The following RPS6KC1 variants were observed in gnomAD, a reference collection of about 807,000 sequenced individuals.
RPS6KC1 encodes ribosomal protein S6 kinase C1, also known as inactive ribosomal protein S6 kinase delta-1.
RPS6KC1 carries 54 observed loss-of-function variants against 103.8 expected under a neutral mutation model. That is an observed-to-expected ratio of 0.52 (90% CI 0.42 to 0.65). The LOEUF is 0.65. RPS6KC1 is among the 30% of genes least tolerant of loss of function. The pLI, the probability that RPS6KC1 is intolerant of heterozygous loss-of-function variation, is 0.00. For synonymous variants in RPS6KC1, 439 were observed against 438.7 expected, an observed-to-expected ratio of 1.00 and a Z score of -0.01; for missense variants, 1,151 against 1,253.8, an observed-to-expected ratio of 0.92 and a Z score of 1.24.
chr1:213,063,361 G>T (rs1190217657), intron 1 of RPS6KC1, among the ~76,000 whole-genome samples: 1 of 152,206 alleles, frequency 6.6e-6, no homozygotes, highest in African/African-American at 2.4e-5. Flanking sequence ...GAGTCATGGA[G>T]TTGTGAGATC....
chr1:213,716,354 GC>G, the RPS6KC1 span, among the ~76,000 whole-genome samples: 1 of 152,038 alleles, frequency 6.6e-6, no homozygotes, highest in South Asian at 2.1e-4. Context: ...CTTTTCTGAT[GC>G]CCCTAAAGAC....
chr1:213,261,665 TA>T lies in RPS6KC1; in HGVS notation c.2994+28del, dbSNP rs773861730. ...GGTAAGCAGTGGCCTGGACGTTTAATAAATTTACTCAGATGCTACCTTGATT... is the reference window on the plus strand; with the variant it reads ...GGTAAGCAGTGGCCTGGACGTTTAATAATTTACTCAGATGCTACCTTGATT... On this transcript the variant is annotated intron_variant, in intron 13 of 14. Coordinates refer to ENST00000366960, the MANE Select transcript of RPS6KC1 (RefSeq NM_012424.6). The T allele has an allele frequency of 1.9e-6, 3 of 1,587,358 alleles. No individual in the cohort carries two copies. The South Asian group carries it at 3.3e-5, about 18-fold the overall frequency.
chr1:213,087,642 C>T (rs2080533243), intron 3 of RPS6KC1, among the ~76,000 whole-genome samples: 2 of 152,150 alleles, frequency 1.3e-5, no homozygotes, highest in Non-Finnish European at 2.9e-5. Context: ...TTTTCTTGCT[C>T]TTTTTGCATT....
the RPS6KC1 span, among the ~76,000 whole-genome samples, chr1:213,684,381 G>A: frequency 6.6e-6 from 1 of 152,116 alleles, no homozygotes; most frequent in African/African-American, 2.4e-5. Flanking sequence ...TACAGAAAGA[G>A]CAGGAATTAG....
the RPS6KC1 span, among the ~76,000 whole-genome samples, chr1:213,732,315 A>G: frequency 2.6e-5 from 4 of 151,720 alleles, no homozygotes; most frequent in Middle Eastern, 6.8e-3. Flanking sequence ...AAAAAGTGTC[A>G]CAAAGATTTA....
At chr1:213,635,775 C>G in the RPS6KC1 span, among the ~76,000 whole-genome samples, 2 of 152,146 alleles carry the variant, frequency 1.3e-5, no homozygotes, top group Non-Finnish European at 2.9e-5. Flanking sequence ...CCAGGGCAAT[C>G]AGGCAAGAGA....
At chr1:213,588,827 G>A in the RPS6KC1 span, among the ~76,000 whole-genome samples, 1 of 152,196 alleles carries the variant, frequency 6.6e-6, no homozygotes, top group Non-Finnish European at 1.5e-5. Flanking sequence ...GTAGGGGTCA[G>A]CATGGCAAGT....
the RPS6KC1 span, among the ~76,000 whole-genome samples, chr1:213,446,933 C>T: frequency 5.3e-5 from 8 of 152,176 alleles, no homozygotes; most frequent in Admixed American, 2.0e-4. Flanking sequence ...TAGTAGTAGG[C>T]TCCTGGAGGG....
At chr1:213,586,326 G>A in the RPS6KC1 span, among the ~76,000 whole-genome samples, 10 of 152,264 alleles carry the variant, frequency 6.6e-5, no homozygotes, top group African/African-American at 1.9e-4. Flanking sequence ...CCCCTGGCTC[G>A]GCCACACCGC....
At chr1:213,136,031 G>A (rs1305741878) in intron 6 of RPS6KC1, among the ~76,000 whole-genome samples, 1 of 152,188 alleles carries the variant, frequency 6.6e-6, no homozygotes. Flanking sequence ...GAAAAAGAGT[G>A]TTTTATTCCA....
the RPS6KC1 span, among the ~76,000 whole-genome samples, chr1:213,800,281 C>G: frequency 1.3e-5 from 2 of 152,276 alleles, no homozygotes; most frequent in East Asian, 3.9e-4. Flanking sequence ...GGCAGGAAGA[C>G]CACAGTTACA....
At chr1:213,308,987 G>C in the RPS6KC1 span, among the ~76,000 whole-genome samples, 1 of 152,280 alleles carries the variant, frequency 6.6e-6, no homozygotes, top group Non-Finnish European at 1.5e-5. Flanking sequence ...GGCAGAGCTG[G>C]ATTAATTAAA....
At chr1:213,542,032 C>T in the RPS6KC1 span, among the ~76,000 whole-genome samples, 1 of 152,116 alleles carries the variant, frequency 6.6e-6, no homozygotes, top group Admixed American at 6.5e-5. Context: ...TTGTTTGCCT[C>T]CCTCTGTGGA....
chr1:213,153,726 G>A (rs1403402387), intron 6 of RPS6KC1, among the ~76,000 whole-genome samples: 2 of 152,124 alleles, frequency 1.3e-5, no homozygotes, highest in East Asian at 3.9e-4. Context: ...CTTTCTGATT[G>A]AAGTACTCCC....
the RPS6KC1 span, among the ~76,000 whole-genome samples, chr1:213,575,564 C>T: frequency 2.0e-5 from 3 of 152,174 alleles, no homozygotes; most frequent in African/African-American, 7.2e-5. Flanking sequence ...CTTGCTGCTG[C>T]CATGTGAAGA....
chr1:213,385,351 A>T, the RPS6KC1 span, among the ~76,000 whole-genome samples: 1 of 152,178 alleles, frequency 6.6e-6, no homozygotes, highest in Non-Finnish European at 1.5e-5. Context: ...GGAAACTGAG[A>T]CACAGAGAGG....
chr1:213,068,222 A>G (rs1210094702), intron 1 of RPS6KC1, among the ~76,000 whole-genome samples: 2 of 152,120 alleles, frequency 1.3e-5, no homozygotes, highest in Non-Finnish European at 2.9e-5. Context: ...GCAGTGGCTC[A>G]CGCCTGTAAT....
the RPS6KC1 span, among the ~76,000 whole-genome samples, chr1:213,430,637 AT>A: frequency 2.6e-5 from 4 of 151,468 alleles, no homozygotes; most frequent in African/African-American, 7.3e-5. Flanking sequence ...TCCAGTCTGT[AT>A]TTTTTTTTCC....
the RPS6KC1 span, among the ~76,000 whole-genome samples, chr1:213,592,558 C>T: frequency 7.2e-5 from 11 of 152,298 alleles, no homozygotes; most frequent in South Asian, 8.3e-4. Flanking sequence ...CACCCTTCTC[C>T]GTTGTACCTT....
Sources: gnomAD v4.1 joint callset for allele counts (sites outside exome capture counted in the v4.1 genomes callset) on GRCh38, gnomAD v4.1.1 for gene constraint, MANE v1.5 for transcripts, NCBI Gene and HGNC (gene_info 2026-07-23, HGNC 2026-07-21) for gene names.